IMMP2L: variants seen among roughly 807,000 people sequenced by gnomAD.
The protein encoded by IMMP2L is inner mitochondrial membrane peptidase subunit 2.
A neutral mutation model predicts 19.3 loss-of-function variants in IMMP2L; 18 were observed. The observed-to-expected ratio is 0.93, with a 90% CI of 0.64 to 1.38. The LOEUF is 1.38. IMMP2L is among the 40% of genes most tolerant of loss of function. The pLI is 0.00. For synonymous variants in IMMP2L, 76 were observed against 73.0 expected, an observed-to-expected ratio of 1.04 and a Z score of -0.21; for missense variants, 233 against 218.2, an observed-to-expected ratio of 1.07 and a Z score of -0.43.
intron 3 of IMMP2L, among the ~76,000 whole-genome samples, chr7:111,072,701 C>T (rs770369921): frequency 6.6e-5 from 10 of 152,216 alleles, no homozygotes; most frequent in Admixed American, 1.3e-4. Flanking sequence ...TGAGACCACC[C>T]TGATTAACAC....
At chr7:110,666,832 A>G (rs1791491911) in intron 5 of IMMP2L, among the ~76,000 whole-genome samples, 2 of 152,188 alleles carry the variant, frequency 1.3e-5, no homozygotes, top group Non-Finnish European at 2.9e-5. Context: ...CATTACCAAC[A>G]ATAAATCTGC....
intron 5 of IMMP2L, among the ~76,000 whole-genome samples, chr7:110,707,004 AT>A (rs60393281): frequency 4.5e-4 from 52 of 114,290 alleles, no homozygotes; most frequent in Middle Eastern, 4.3e-3. Context: ...TTTTTTTTTA[AT>A]TTTTTTTTTT....
intron 5 of IMMP2L, among the ~76,000 whole-genome samples, chr7:110,879,455 T>A (rs973984495): frequency 9.2e-5 from 14 of 152,086 alleles, no homozygotes; most frequent in Non-Finnish European, 1.9e-4. Flanking sequence ...GTAATGAACA[T>A]CTGTATGCTC....
At chr7:111,428,495 A>G (rs1239524549) in intron 3 of IMMP2L, among the ~76,000 whole-genome samples, 1 of 151,824 alleles carries the variant, frequency 6.6e-6, no homozygotes, top group Non-Finnish European at 1.5e-5. Flanking sequence ...TCAATTCAAA[A>G]GAAGAGAAAC....
intron 2 of IMMP2L, among the ~76,000 whole-genome samples, chr7:111,520,693 T>C (rs1259561339): frequency 6.6e-6 from 1 of 152,156 alleles, no homozygotes; most frequent in Admixed American, 6.6e-5. Context: ...TCTGCCTAAC[T>C]GCTTAAACTT....
intron 3 of IMMP2L, among the ~76,000 whole-genome samples, chr7:111,194,449 A>G (rs950324245): frequency 6.6e-6 from 1 of 152,108 alleles, no homozygotes; most frequent in African/African-American, 2.4e-5. Flanking sequence ...CCTTTGTACC[A>G]TTACACCTGT....
intron 4 of IMMP2L, among the ~76,000 whole-genome samples, chr7:110,947,388 C>T (rs1817370702): frequency 6.6e-6 from 1 of 152,112 alleles, no homozygotes; most frequent in Non-Finnish European, 1.5e-5. Context: ...ATTTCAATTA[C>T]CATCATGCAG....
intron 3 of IMMP2L, among the ~76,000 whole-genome samples, chr7:111,317,091 G>A (rs942384959): frequency 6.6e-6 from 1 of 151,708 alleles, no homozygotes. Context: ...CTCGTGATCC[G>A]CCCGCCTCAG....
chr7:111,330,183 A>C (rs1476780908), intron 3 of IMMP2L, among the ~76,000 whole-genome samples: 1 of 151,902 alleles, frequency 6.6e-6, no homozygotes, highest in East Asian at 1.9e-4. Flanking sequence ...GAAAAATACA[A>C]AATCACATCA....
intron 5 of IMMP2L, among the ~76,000 whole-genome samples, chr7:110,801,753 G>A (rs1476807091): frequency 1.3e-5 from 2 of 152,030 alleles, no homozygotes; most frequent in Admixed American, 1.3e-4. Context: ...CTGTACACAG[G>A]CACTGGTAAG....
chr7:110,968,264 TAA>T lies in IMMP2L; in HGVS notation c.240-4701_240-4700del, dbSNP rs201296331. ...GGAATATTTTGTTTGATTCATGCATTAAAAAAAAAAAAAATTTGGAGCTAGCT... is the reference window on the plus strand; with the variant it reads ...GGAATATTTTGTTTGATTCATGCATTAAAAAAAAAAAATTTGGAGCTAGCT... On this transcript the variant is annotated intron_variant, in intron 3 of 5. Transcript: ENST00000405709. 4.9e-3 allele frequency among the ~76,000 whole-genome samples: 712 copies of T among 144,842 alleles called. 5 individuals are homozygous for T. The highest frequency in any genetic ancestry group is 0.017 in the African/African-American group (683 of 39,590).
In IMMP2L at chr7:110,902,793, G is replaced by T. The variant is rs1447795641; in HGVS notation, c.306-16098C>A. 3.3e-5 allele frequency among the ~76,000 whole-genome samples: 3 copies of T among 89,778 alleles called. 1 individual carries two copies. The highest frequency in any genetic ancestry group is 6.1e-5 in the Non-Finnish European group (3 of 49,220). 58.9% of individuals were successfully genotyped at this position (89,778 alleles called of 152,430 possible). ...CAAAAAAAAAAAAAATTAGCCGGGC[G>T]TAGTGGCGGGCGCCTGTAGTCCCAG... On this transcript the variant is annotated intron_variant, in intron 4 of 5. Transcript: ENST00000405709.
chr7:111,131,822 C>T (rs1239927762), intron 3 of IMMP2L, among the ~76,000 whole-genome samples: 1 of 151,586 alleles, frequency 6.6e-6, no homozygotes, highest in Admixed American at 6.6e-5. Flanking sequence ...ACTATATATT[C>T]ATATAGTTAA....
chr7:111,411,089 C>A, intron 3 of IMMP2L, among the ~76,000 whole-genome samples: 7 of 113,018 alleles, frequency 6.2e-5, no homozygotes, highest in African/African-American at 7.5e-5. Context: ...AATCAAATTG[C>A]TAAAAAAAAA....
intron 3 of IMMP2L, among the ~76,000 whole-genome samples, chr7:111,125,783 A>C (rs911864893): frequency 1.3e-5 from 2 of 150,798 alleles, no homozygotes; most frequent in African/African-American, 4.9e-5. Flanking sequence ...GTCTTATTTT[A>C]ATAATTAGCA....
chr7:111,190,025 T>G (rs1237130219), intron 3 of IMMP2L, among the ~76,000 whole-genome samples: 2 of 152,166 alleles, frequency 1.3e-5, no homozygotes, highest in Non-Finnish European at 2.9e-5. Flanking sequence ...CAGTGGAAAT[T>G]AACATGGCCA....
At chr7:110,748,853 A>T (rs1230177167) in intron 5 of IMMP2L, among the ~76,000 whole-genome samples, 1 of 152,192 alleles carries the variant, frequency 6.6e-6, no homozygotes, top group African/African-American at 2.4e-5. Context: ...AGACTTCATG[A>T]CTGAAACACC....
intron 3 of IMMP2L, among the ~76,000 whole-genome samples, chr7:111,021,819 G>T (rs1826309198): frequency 6.6e-6 from 1 of 152,132 alleles, no homozygotes. Context: ...GAAGGCAGAG[G>T]TTGCAGTGAG....
chr7:111,169,245 C>T (rs1475477773), intron 3 of IMMP2L, among the ~76,000 whole-genome samples: 1 of 151,834 alleles, frequency 6.6e-6, no homozygotes, highest in Non-Finnish European at 1.5e-5. Flanking sequence ...GCAGTGCAGT[C>T]ATTAGTTACC....
Sources: gnomAD v4.1 joint callset for allele counts (sites outside exome capture counted in the v4.1 genomes callset) on GRCh38, gnomAD v4.1.1 for gene constraint, MANE v1.5 for transcripts, NCBI Gene and HGNC (gene_info 2026-07-23, HGNC 2026-07-21) for gene names.